Variants in N4BP2 observed in about 807,000 individuals in gnomAD.
N4BP2 encodes the protein NEDD4 binding protein 2, also known as NEDD4-binding protein 2.
Under a neutral mutation model 152.8 loss-of-function variants are expected in N4BP2, and 91 were observed. The observed-to-expected ratio is 0.60, with a 90% CI of 0.50 to 0.71. The LOEUF (loss-of-function observed/expected upper bound fraction) is 0.71, where lower values mean the gene tolerates loss of function less well. Ranked by LOEUF, N4BP2 falls within the 30% of genes least tolerant of loss-of-function variation. The probability of loss-of-function intolerance (pLI) is 0.00; values close to 1 mark genes in which losing one functional copy is unlikely to be tolerated. For synonymous variants in N4BP2, 646 were observed against 705.3 expected, an observed-to-expected ratio of 0.92 and a Z score of 1.33; for missense variants, 1,923 against 2,059.1, an observed-to-expected ratio of 0.93 and a Z score of 1.28.
At chr4:40,188,744 CAAAAAAA>C in the N4BP2 span, among the ~76,000 whole-genome samples, 3 of 91,034 alleles carry the variant, frequency 3.3e-5, no homozygotes, top group Non-Finnish European at 4.4e-5. Context: ...GACTCCATCT[CAAAAAAA>C]AAAAAAAAAA....
At chr4:40,093,838 G>A (rs748622286) in intron 2 of N4BP2, among the ~76,000 whole-genome samples, 3 of 152,048 alleles carry the variant, frequency 2.0e-5, no homozygotes, top group Admixed American at 6.6e-5. Context: ...GACCTCAGGC[G>A]ATCCACCCAC....
rs1349332868 is a variant in N4BP2 at position 40,102,758 on chromosome 4, A to G, written c.913A>G (p.Thr305Ala). Residue 305 changes from threonine to alanine, a missense_variant, in exon 4 of 18, where the codon ACA becomes GCA. Coordinates refer to ENST00000261435, the MANE Select transcript of N4BP2 (RefSeq NM_018177.6). ...CCTTCCAGGGCTTGATTTACCAGGTACAGGTGGGGATCAGAAATCTACTCG... is the reference window on the plus strand; with the variant it reads ...CCTTCCAGGGCTTGATTTACCAGGTGCAGGTGGGGATCAGAAATCTACTCG... ...LNLPGLDLPG[T>A]GGDQKSTRVS... is the part of the protein sequence containing the mutation. 1 of 1,614,174 alleles carries G rather than the reference A, an allele frequency of 6.2e-7. No individual in the cohort carries two copies. The highest frequency in any genetic ancestry group is 8.5e-7 in the Non-Finnish European group (1 of 1,180,020).
chr4:40,178,182 C>A, the N4BP2 span, among the ~76,000 whole-genome samples: 6 of 150,686 alleles, frequency 4.0e-5, no homozygotes, highest in African/African-American at 1.5e-4. Context: ...ACAAAGAACC[C>A]AACAAAACAA....
At chr4:40,126,648 C>T (rs922503467) in intron 12 of N4BP2, among the ~76,000 whole-genome samples, 1 of 152,056 alleles carries the variant, frequency 6.6e-6, no homozygotes, top group Admixed American at 6.6e-5. Flanking sequence ...CTCTGTTGCC[C>T]ACACTAGACT....
chr4:40,063,365 T>G (rs1418956649), intron 1 of N4BP2, among the ~76,000 whole-genome samples: 1 of 152,208 alleles, frequency 6.6e-6, no homozygotes, highest in African/African-American at 2.4e-5. Flanking sequence ...GCTTTATTCC[T>G]TTTACTGAAA....
chr4:40,140,094 AT>A (rs1349817385), intron 14 of N4BP2, among the ~76,000 whole-genome samples: 1 of 151,918 alleles, frequency 6.6e-6, no homozygotes, highest in Non-Finnish European at 1.5e-5. Flanking sequence ...GCCCAGCCTT[AT>A]TTTTTTATTT....
Position 40,120,429 on chromosome 4 carries a change from A to G in N4BP2, c.2318A>G (p.Lys773Arg), listed in dbSNP as rs781541760. 1 of 1,613,960 alleles carries G rather than the reference A, an allele frequency of 6.2e-7. No individual in the cohort carries two copies. ...AAAGCCTTTGGGAAACAAAAAAGCA[A>G]ATCGACTTTGGAAAAGTTCCCAAGA... The part of the protein sequence containing the change: ...TKKAFGKQKS[K>R]STLEKFPRHE... The change falls in exon 9 of 18, where the codon AAA (lysine) becomes AGA (arginine). Residue 773 changes from lysine to arginine, a missense_variant. Lys to Arg is a conservative substitution (Grantham distance 26). Transcript: ENST00000261435.
chr4:40,160,356 G>T (rs76121030), downstream of N4BP2, among the ~76,000 whole-genome samples: 1,081 of 152,308 alleles, frequency 7.1e-3, 5 homozygotes, highest in Non-Finnish European at 0.011. Flanking sequence ...TGTGAATGCC[G>T]TATGCGTTTA....
intron 4 of N4BP2, among the ~76,000 whole-genome samples, chr4:40,104,423 A>G (rs545644612): frequency 6.8e-5 from 10 of 147,178 alleles, no homozygotes; most frequent in Admixed American, 2.7e-4. Flanking sequence ...TTTTTTTTTG[A>G]TATCTTTTCT....
intron 17 of N4BP2, 144 bp from the exon 18 acceptor site, chr4:40,154,048 G>T (rs1385926534): frequency 5.1e-6 from 3 of 591,862 alleles, no homozygotes; most frequent in Middle Eastern, 4.0e-4. Context: ...CTAGATGTTG[G>T]TCTTGGATAT....
chr4:40,160,939 C>A (rs562740007), downstream of N4BP2, among the ~76,000 whole-genome samples: 18 of 152,278 alleles, frequency 1.2e-4, no homozygotes, highest in African/African-American at 1.7e-4. Flanking sequence ...TAACACCCCA[C>A]AGAGCTTTAT....
At chr4:40,132,098 A>G (rs773475964) in intron 13 of N4BP2, among the ~76,000 whole-genome samples, 179 bp downstream of exon 13, 2 of 152,186 alleles carry the variant, frequency 1.3e-5, no homozygotes, top group Admixed American at 6.5e-5. Context: ...AACCCTCTAT[A>G]TACCCTCTAT....
chr4:40,119,844 G>T, intron 8 of N4BP2, 88 bp from the exon 9 acceptor site: 2 of 614,722 alleles, frequency 3.3e-6, no homozygotes, highest in South Asian at 5.7e-5. Context: ...ACTGTTAAGT[G>T]CCCTGTCAAT....
In N4BP2 at chr4:40,092,087, G is replaced by A. The variant is rs181844206; in HGVS notation, c.-114-5140G>A. 2.5e-3 allele frequency among the ~76,000 whole-genome samples: 310 copies of A among 125,674 alleles called. 1 individual carries two copies. Among genetic ancestry groups the A allele is most frequent in the African/African-American group, 7.2e-3 (242 of 33,538 alleles). The allele number at this position is 125,674 out of a possible 152,430, so 82.4% of individuals were successfully genotyped here. On this transcript the variant is annotated intron_variant, in intron 2 of 17. Transcript: ENST00000261435. ...CTAGTATTTTGTTAAGGATTTTTGT[G>A]TCTGTAGTCATGAGGAGTATTGGTC... is the stretch of plus-strand genomic sequence containing the variant.
At chr4:40,078,316 T>G (rs1031854510) in intron 2 of N4BP2, among the ~76,000 whole-genome samples, 7 of 151,948 alleles carry the variant, frequency 4.6e-5, no homozygotes, top group Non-Finnish European at 7.4e-5. Context: ...TTTTGTATCT[T>G]TAGTAGAGAC....
chr4:40,100,721 C>T (rs1384502998), intron 3 of N4BP2, among the ~76,000 whole-genome samples: 1 of 152,176 alleles, frequency 6.6e-6, no homozygotes, highest in Non-Finnish European at 1.5e-5. Context: ...ACGAGCTCAG[C>T]ATTGGAGTCA....
the N4BP2 span, among the ~76,000 whole-genome samples, chr4:40,186,818 T>G: frequency 6.6e-6 from 1 of 152,340 alleles, no homozygotes; most frequent in African/African-American, 2.4e-5. Flanking sequence ...TGCCCATACT[T>G]GTCTCTCTTT....
chr4:40,163,264 A>G, the N4BP2 span, among the ~76,000 whole-genome samples: 1 of 152,200 alleles, frequency 6.6e-6, no homozygotes, highest in South Asian at 2.1e-4. Flanking sequence ...GTATAATCAT[A>G]ACCACCCGCT....
At chr4:40,135,169 A>G (rs1411399108) in intron 13 of N4BP2, among the ~76,000 whole-genome samples, 6 of 142,146 alleles carry the variant, frequency 4.2e-5, no homozygotes, top group South Asian at 2.2e-4. Context: ...TTATTGTTCA[A>G]TTCCCACCTA....
Sources: gnomAD v4.1 joint callset for allele counts (sites outside exome capture counted in the v4.1 genomes callset) on GRCh38, gnomAD v4.1.1 for gene constraint, MANE v1.5 for transcripts, NCBI Gene and HGNC (gene_info 2026-07-23, HGNC 2026-07-21) for gene names.